NBN: variants seen among roughly 807,000 people sequenced by gnomAD.
NBN encodes nibrin, also known as Nijmegen breakage syndrome 1 (nibrin).
Under a neutral mutation model 90.8 loss-of-function variants are expected in NBN, and 88 were observed. The ratio of observed to expected loss-of-function variants is 0.97; its 90% CI spans 0.82 to 1.16. The LOEUF is 1.16. Ranked by LOEUF, NBN falls within the 50% of genes most tolerant of loss-of-function variation. NBN has a pLI of 0.00. For synonymous variants in NBN, 328 were observed against 295.1 expected (o/e 1.11, Z -1.14); for missense variants, 894 against 869.6 (o/e 1.03, Z -0.35).
Position 89,984,534 on chromosome 8 carries a change from G to T in NBN, c.28C>A (p.Pro10Thr), listed in dbSNP as rs758228844. 1 of 1,613,124 alleles carries T rather than the reference G, an allele frequency of 6.2e-7. No individual in the cohort carries two copies. The highest frequency in any genetic ancestry group is 8.5e-7 in the Non-Finnish European group (1 of 1,179,694). ...TCCCTTCTGCCCTTACCTCCTGCCG[G>T]GCCCGCGGCGGGCAGCAGTTTCCAC... MWKLLPAAG[P>T]AGGEPYRLLT... The change falls in exon 1 of 16, where the codon CCG becomes ACG. Residue 10 changes from proline to threonine, a missense_variant. By Grantham distance (38) the Pro-to-Thr change is conservative (BLOSUM62 -1). Transcript: ENST00000265433.
rs769417 is a variant in NBN at position 89,980,922 on chromosome 8, C to T, written c.321-29G>A. ...TAAATGAGAATAAGTTAAATAAAGT[C>T]ATAGTATCAGAGTTGCAGAGATGGC... On this transcript the variant is annotated intron_variant, in intron 3 of 15. Transcript: ENST00000265433. The T allele has an allele frequency of 4.3e-3, 6,944 of 1,604,488 alleles. 255 individuals are homozygous for T. The African/African-American group carries it at 0.078, about 18-fold the overall frequency.
chr8:89,965,026 A>G (rs547775021), intron 7 of NBN, among the ~76,000 whole-genome samples: 1 of 152,240 alleles, frequency 6.6e-6, no homozygotes, highest in African/African-American at 2.4e-5. Context: ...AGGCAAGAGA[A>G]TCGCCTGAAC....
At position 89,984,538 on chromosome 8, in the gene NBN, C is replaced by A. The variant is rs779543740; in HGVS notation, c.24G>T (p.Ala8=). The A allele has an allele frequency of 1.2e-6, 2 of 1,613,190 alleles. No homozygotes were observed. The highest frequency in any genetic ancestry group is 1.7e-6 in the Non-Finnish European group (2 of 1,179,784). The change falls in exon 1 of 16, where the codon GCG becomes GCT. Residue 8 remains alanine, a synonymous_variant. Coordinates refer to ENST00000265433, the MANE Select transcript of NBN (RefSeq NM_002485.5). ...TTCTGCCCTTACCTCCTGCCGGGCC[C>A]GCGGCGGGCAGCAGTTTCCACATCG... MWKLLPA[A]GPAGGEPYRL...
In NBN at chr8:89,937,059, G is replaced by A. The variant is rs751824753; in HGVS notation, c.2201C>T (p.Ala734Val). The part of the protein sequence containing the change: ...RQEMEVQNQH[A>V]KEESLADDLF... Reference sequence around the variant, plus strand: ...ATCATCAGCAAGAGACTCTTCTTTTGCATGTTGATTTTGTACCTGTCAAAA... The same window carrying A: ...ATCATCAGCAAGAGACTCTTCTTTTACATGTTGATTTTGTACCTGTCAAAA... Residue 734 changes from alanine to valine, a missense_variant, in exon 15 of 16, where the codon GCA (alanine) becomes GTA (valine). Physicochemically the swap from Ala to Val is moderately conservative, Grantham distance 64 (BLOSUM62 0). Transcript: ENST00000265433. The A allele has an allele frequency of 4.3e-6, 7 of 1,612,394 alleles. No individual in the cohort carries two copies. Among genetic ancestry groups the A allele is most frequent in the Non-Finnish European group, 5.9e-6 (7 of 1,179,196 alleles).
intron 15 of NBN, among the ~76,000 whole-genome samples, chr8:89,936,654 G>C (rs1055666371): frequency 6.6e-6 from 1 of 152,128 alleles, no homozygotes; most frequent in Non-Finnish European, 1.5e-5. Flanking sequence ...TTGTTTTTAT[G>C]CATGTGCCAA....
At chr8:89,969,167 G>A (rs1466416107) in intron 7 of NBN, among the ~76,000 whole-genome samples, 2 of 152,180 alleles carry the variant, frequency 1.3e-5, no homozygotes, top group Non-Finnish European at 2.9e-5. Flanking sequence ...GAGCAATTTA[G>A]TCAGAAGACT....
At chr8:89,955,181 G>A in intron 10 of NBN, 102 bp downstream of exon 10, 1 of 1,155,916 alleles carries the variant, frequency 8.7e-7, no homozygotes, top group Non-Finnish European at 1.3e-6. Context: ...AGCAGCAGAA[G>A]CATACTTAAT....
intron 7 of NBN, among the ~76,000 whole-genome samples, chr8:89,968,834 CTTGT>C (rs1563556158): frequency 2.0e-5 from 3 of 152,096 alleles, no homozygotes; most frequent in African/African-American, 7.2e-5. Context: ...CTGTGACTAT[CTTGT>C]TTTTCATTAT....
chr8:89,948,035 G>C (rs1487941425), intron 11 of NBN, 143 bp from the exon 12 acceptor site: 1 of 509,776 alleles, frequency 2.0e-6, no homozygotes, highest in East Asian at 3.1e-5. Flanking sequence ...GTATGACCAG[G>C]CATTTGGCTT....
chr8:89,948,350 T>G (rs531340525), intron 11 of NBN, among the ~76,000 whole-genome samples: 7 of 152,334 alleles, frequency 4.6e-5, no homozygotes, highest in Middle Eastern at 6.8e-3. Flanking sequence ...GTGTATTACT[T>G]TTAAAATCAA....
chr8:89,957,631 C>A (rs1486520600), intron 9 of NBN, among the ~76,000 whole-genome samples: 3 of 152,184 alleles, frequency 2.0e-5, no homozygotes, highest in Non-Finnish European at 2.9e-5. Context: ...GCTCCATTCA[C>A]GGTAAGTGTC....
At chr8:89,971,680 T>C (rs1811523919) in intron 5 of NBN, among the ~76,000 whole-genome samples, 1 of 152,236 alleles carries the variant, frequency 6.6e-6, no homozygotes, top group South Asian at 2.1e-4. Context: ...CAATATCTAT[T>C]AAAACGCTCA....
chr8:89,982,006 A>G (rs1484908762), intron 2 of NBN: 2 of 1,138,732 alleles, frequency 1.8e-6, no homozygotes, highest in Admixed American at 3.0e-5. Flanking sequence ...TCTATACCTA[A>G]AAGAACAGAA....
chr8:89,943,611 CTT>C (rs1196547057), intron 13 of NBN, among the ~76,000 whole-genome samples: 1 of 152,112 alleles, frequency 6.6e-6, no homozygotes, highest in African/African-American at 2.4e-5. Context: ...TAATTTAACA[CTT>C]TTCATTTGGA....
intron 9 of NBN, among the ~76,000 whole-genome samples, chr8:89,957,006 C>T (rs1409936971): frequency 2.6e-5 from 4 of 152,100 alleles, no homozygotes; most frequent in Non-Finnish European, 5.9e-5. Flanking sequence ...CAATTCGGTA[C>T]AATACATAAT....
rs1203807404 is a variant in NBN, at chr8:89,978,237, C to T, written c.567G>A (p.Gln189=). The T allele has an allele frequency of 1.2e-6, 2 of 1,605,688 alleles. No homozygotes were observed. Among genetic ancestry groups the T allele is most frequent in the Non-Finnish European group, 1.7e-6 (2 of 1,172,684 alleles). The stretch of plus-strand genomic sequence containing the variant: ...TAATATACCTTTCAATTTGTGGAGG[C>T]TGCTTCTTGGACTCAACTGCTTTCA... ...EFLKAVESKK[Q]PPQIESFYPP... is the part of the protein sequence containing the mutation. Residue 189 remains glutamine, a synonymous_variant, in exon 5 of 16, where the codon CAG becomes CAA. Coordinates refer to ENST00000265433, the MANE Select transcript of NBN (RefSeq NM_002485.5).
At position 89,953,672 on chromosome 8, in the gene NBN, G is replaced by C. The variant is rs755805461; in HGVS notation, c.1417C>G (p.Gln473Glu). ...GCTGATTTGCATGAAGACATTTCTT[G>C]ATTTTCTTCATCCCTTTCCCTTAGA... Reference protein sequence around the residue: ...TKKRERDEENQEMSSCKSARI... With the variant: ...TKKRERDEENEEMSSCKSARI... The change falls in exon 11 of 16, where the codon CAA (glutamine) becomes GAA (glutamate). Residue 473 changes from glutamine to glutamate, a missense_variant. By Grantham distance (29) the Gln-to-Glu change is conservative. Coordinates refer to ENST00000265433, the MANE Select transcript of NBN (RefSeq NM_002485.5). The C allele has an allele frequency of 6.2e-7, 1 of 1,610,646 alleles. No individual in the cohort carries two copies. The highest frequency in any genetic ancestry group is 1.7e-5 in the Admixed American group (1 of 59,822).
At chr8:89,973,247 C>T (rs1191454543) in intron 5 of NBN, among the ~76,000 whole-genome samples, 1 of 152,074 alleles carries the variant, frequency 6.6e-6, no homozygotes, top group Non-Finnish European at 1.5e-5. Flanking sequence ...ACTGACATTA[C>T]AAAATATAAA....
intron 11 of NBN, among the ~76,000 whole-genome samples, chr8:89,949,952 C>G (rs536360425): frequency 1.3e-5 from 2 of 152,226 alleles, no homozygotes; most frequent in Admixed American, 1.3e-4. Context: ...TTTAAAACAA[C>G]CCCACATTGA....
Sources: allele counts gnomAD v4.1 joint callset (sites outside exome capture counted in the v4.1 genomes callset), GRCh38; gene constraint gnomAD v4.1.1; transcripts MANE v1.5; gene names NCBI Gene and HGNC (gene_info 2026-07-23, HGNC 2026-07-21).